P3H2: variants seen among roughly 807,000 people sequenced by gnomAD.
The protein encoded by P3H2 is leprecan-like 1.
In P3H2, 80 loss-of-function variants were observed where a neutral mutation model predicts 87.0. That is an observed-to-expected ratio of 0.92 (90% CI 0.77 to 1.11). P3H2 has a LOEUF of 1.11. Ranked by LOEUF, P3H2 falls within the 50% of genes least tolerant of loss-of-function variation. The probability of loss-of-function intolerance (pLI) is 0.00; values close to 1 mark genes in which losing one functional copy is unlikely to be tolerated. For synonymous variants in P3H2, 367 were observed against 359.3 expected, an observed-to-expected ratio of 1.02 and a Z score of -0.24; for missense variants, 1,001 against 923.9, an observed-to-expected ratio of 1.08 and a Z score of -1.08.
chr3:190,031,407 A>T (rs1040360943), intron 1 of P3H2, among the ~76,000 whole-genome samples: 1 of 149,942 alleles, frequency 6.7e-6, no homozygotes, highest in Admixed American at 6.7e-5. Flanking sequence ...GGAGGCCAAG[A>T]CAGGCTAATC....
intron 1 of P3H2, among the ~76,000 whole-genome samples, chr3:190,096,673 A>T (rs989664062): frequency 6.6e-6 from 1 of 152,242 alleles, no homozygotes. Flanking sequence ...CAATTGTGTT[A>T]GCATCTGGCT....
intron 13 of P3H2, among the ~76,000 whole-genome samples, chr3:189,966,654 C>T (rs1310612837): frequency 6.6e-6 from 1 of 152,182 alleles, no homozygotes; most frequent in African/African-American, 2.4e-5. Flanking sequence ...TTTTGTAACA[C>T]AGCCCCGTTT....
chr3:189,974,727 C>T, intron 8 of P3H2, 42 bp from the exon 9 acceptor site: 1 of 1,613,564 alleles, frequency 6.2e-7, no homozygotes, highest in Admixed American at 1.7e-5. Context: ...TACCTCTGTC[C>T]CCCGAAAGGA....
At chr3:189,971,322 C>T (rs867768457) in intron 12 of P3H2, among the ~76,000 whole-genome samples, 2 of 152,304 alleles carry the variant, frequency 1.3e-5, no homozygotes, top group African/African-American at 4.8e-5. Context: ...GGCCTAGCCA[C>T]GCCTTGCAGA....
intron 1 of P3H2, among the ~76,000 whole-genome samples, chr3:189,996,045 T>A (rs374179798): frequency 3.9e-5 from 6 of 152,176 alleles, no homozygotes; most frequent in African/African-American, 1.4e-4. Flanking sequence ...TGAAAAACAG[T>A]ATGGAGTTTC....
intron 1 of P3H2, among the ~76,000 whole-genome samples, chr3:190,050,100 C>T (rs1332020141): frequency 1.3e-5 from 2 of 152,128 alleles, no homozygotes; most frequent in Non-Finnish European, 2.9e-5. Context: ...CTAAAATGTT[C>T]ATCCAGTCTC....
At position 190,120,681 on chromosome 3, in the gene P3H2, TAGCAGCGGCAGCAGCAGC is replaced by T. The variant is rs747386020; in HGVS notation, c.33_50del (p.Leu13_Leu18del). The T allele has an allele frequency of 2.0e-6, 3 of 1,522,354 alleles. No individual in the cohort carries two copies. The highest frequency in any genetic ancestry group is 2.5e-5 in the East Asian group (1 of 39,546). The allele number at this position is 1,522,354 out of a possible 1,614,324, so 94.3% of individuals were successfully genotyped here. ...GGCCGCCCCACAGTGGCGGCGGCAG[TAGCAGCGGCAGCAGCAGC>T]AGCAGCGGCGGCGCCCAGATGCGCT... On this transcript the variant is annotated inframe_deletion, in exon 1 of 15. Transcript: ENST00000319332.
chr3:190,021,550 T>A (rs1189346035), intron 1 of P3H2, among the ~76,000 whole-genome samples: 1 of 134,694 alleles, frequency 7.4e-6, no homozygotes, highest in African/African-American at 2.6e-5. Flanking sequence ...AAATATTTCA[T>A]CCCTAAATTA....
At chr3:190,053,745 A>T (rs747594738) in intron 1 of P3H2, among the ~76,000 whole-genome samples, 2 of 152,312 alleles carry the variant, frequency 1.3e-5, no homozygotes, top group Non-Finnish European at 2.9e-5. Context: ...GGAATGAGCC[A>T]CTGGGCCCAG....
intron 3 of P3H2, among the ~76,000 whole-genome samples, chr3:189,991,832 T>G (rs910079511): frequency 6.6e-6 from 1 of 152,190 alleles, no homozygotes; most frequent in Non-Finnish European, 1.5e-5. Flanking sequence ...GTGAGCAGAA[T>G]TTTGTTTTTT....
At chr3:190,120,915 A>G (rs981939520), upstream of P3H2, 23 of 950,626 alleles carry the variant, frequency 2.4e-5, 1 homozygote, top group Admixed American at 1.8e-4. Context: ...GTGCCTGGCC[A>G]GCCGCTCTTA....
rs3217580 is a variant in P3H2 at position 189,975,193 on chromosome 3, CA to C, written c.1325-509del. On this transcript the variant is annotated intron_variant, in intron 8 of 14. Coordinates refer to ENST00000319332, the MANE Select transcript of P3H2 (RefSeq NM_018192.4). ...CTGCCTCAGTCTTCTTCCTACCACA[CA>C]ACTGACCCTAGGTTGTCTTGCTTTT... 0.017 allele frequency among the ~76,000 whole-genome samples: 2,637 copies of C among 152,340 alleles called. 290 individuals carry two copies. In the East Asian group the frequency reaches 0.3, roughly 17 times the overall value.
At chr3:190,079,693 C>G (rs1158116423) in intron 1 of P3H2, among the ~76,000 whole-genome samples, 1 of 152,196 alleles carries the variant, frequency 6.6e-6, no homozygotes, top group Non-Finnish European at 1.5e-5. Context: ...GGGCTAGCAA[C>G]TGTTACACAG....
intron 1 of P3H2, among the ~76,000 whole-genome samples, chr3:190,080,056 TA>T (rs771631313): frequency 3.3e-5 from 5 of 152,130 alleles, no homozygotes; most frequent in Non-Finnish European, 7.4e-5. Flanking sequence ...AGTAGAGGCA[TA>T]AAAAATTAGT....
intron 1 of P3H2, among the ~76,000 whole-genome samples, chr3:190,050,075 C>T (rs578010120): frequency 7.9e-4 from 121 of 152,258 alleles, no homozygotes; most frequent in Non-Finnish European, 1.3e-3. Context: ...GTGAAAAATG[C>T]TAATATAAAT....
intron 1 of P3H2, among the ~76,000 whole-genome samples, chr3:190,079,065 G>T (rs964170813): frequency 6.6e-6 from 1 of 152,150 alleles, no homozygotes; most frequent in African/African-American, 2.4e-5. Context: ...TTTGAGCCAG[G>T]TGTGGTGGCT....
chr3:190,012,087 C>T (rs1342499299), intron 1 of P3H2, among the ~76,000 whole-genome samples: 1 of 152,032 alleles, frequency 6.6e-6, no homozygotes, highest in African/African-American at 2.4e-5. Flanking sequence ...ATAAATATTT[C>T]AAGCATGAAA....
In P3H2 at chr3:190,095,303, C is replaced by CATATATATAT. The variant is rs57074960; in HGVS notation, c.480+24939_480+24948dup. Among the ~76,000 whole-genome samples the CATATATATAT allele has an allele frequency of 1.2e-3, 57 of 49,438 alleles. 1 individual carries two copies. Among genetic ancestry groups the CATATATATAT allele is most frequent in the East Asian group, 2.3e-3 (3 of 1,296 alleles). The allele number at this position is 49,438 out of a possible 152,430, so 32.4% of individuals were successfully genotyped here. The stretch of plus-strand genomic sequence containing the variant: ...GTCTCAAAGACAAATTGTCTCAAAA[C>CATATATATAT]ATATATATATATATATATATATATA... On this transcript the variant is annotated intron_variant, in intron 1 of 14. Coordinates refer to ENST00000319332, the MANE Select transcript of P3H2 (RefSeq NM_018192.4).
At position 189,994,200 on chromosome 3, in the gene P3H2, T is replaced by TTC. The variant is rs1285301759; in HGVS notation, c.715_716dup (p.Tyr240AsnfsTer25). ...GGCATTCTGTATCTTCAACGAAATA[T>TTC]TCTCTTAAGGCTTGTTCGAAGTGCC... On this transcript the variant is annotated frameshift_variant, in exon 3 of 15. Coordinates refer to ENST00000319332, the MANE Select transcript of P3H2 (RefSeq NM_018192.4). LOFTEE classifies it high-confidence loss of function. 6.2e-7 allele frequency: 1 copy of TTC among 1,613,834 alleles called. No homozygotes were observed. Among genetic ancestry groups the TTC allele is most frequent in the Admixed American group, 1.7e-5 (1 of 60,010 alleles).
Sources: gnomAD v4.1 joint callset for allele counts (sites outside exome capture counted in the v4.1 genomes callset) on GRCh38, gnomAD v4.1.1 for gene constraint, MANE v1.5 for transcripts, NCBI Gene and HGNC (gene_info 2026-07-23, HGNC 2026-07-21) for gene names.